Variants in STK32B observed in about 807,000 individuals in gnomAD.
The protein encoded by STK32B is serine/threonine kinase 32B, also known as serine/threonine-protein kinase 32B.
Under a neutral mutation model 52.6 loss-of-function variants are expected in STK32B, and 43 were observed. The ratio of observed to expected loss-of-function variants is 0.82; its 90% confidence interval spans 0.64 to 1.05. The LOEUF (loss-of-function observed/expected upper bound fraction) is 1.05, where lower values mean the gene tolerates loss of function less well. Ranked by LOEUF, STK32B falls within the 50% of genes least tolerant of loss-of-function variation. STK32B has a pLI of 0.00. For missense variants in STK32B, 621 were observed against 534.6 expected, an observed-to-expected ratio of 1.16 and a Z score of -1.59; for synonymous variants, 238 against 204.3, an observed-to-expected ratio of 1.17 and a Z score of -1.41.
At chr4:5,246,830 G>C (rs1725488095) in intron 3 of STK32B, among the ~76,000 whole-genome samples, 1 of 152,168 alleles carries the variant, frequency 6.6e-6, no homozygotes, top group East Asian at 1.9e-4. Flanking sequence ...GAGTTTACTG[G>C]AGGTCCACTT....
chr4:5,262,352 C>T (rs115130905), intron 3 of STK32B, among the ~76,000 whole-genome samples: 3,262 of 151,860 alleles, frequency 0.021, 119 homozygotes, highest in African/African-American at 0.075. Flanking sequence ...GTGTGCCGGG[C>T]GCAGTGGCTC....
intron 4 of STK32B, among the ~76,000 whole-genome samples, chr4:5,389,102 C>T (rs188968421): frequency 3.8e-4 from 58 of 152,320 alleles, no homozygotes; most frequent in African/African-American, 1.3e-3. Context: ...TGGGGTTTTA[C>T]AATAGATATA....
intron 4 of STK32B, among the ~76,000 whole-genome samples, chr4:5,370,982 A>G (rs201934302): frequency 2.7e-5 from 3 of 109,352 alleles, no homozygotes; most frequent in African/African-American, 1.4e-4. Flanking sequence ...AAATATATAT[A>G]TATGTGTGTG....
At chr4:5,210,612 G>C (rs1241736384) in intron 3 of STK32B, among the ~76,000 whole-genome samples, 2 of 152,076 alleles carry the variant, frequency 1.3e-5, no homozygotes. Flanking sequence ...ATTCCATGAA[G>C]GCAGGGACCA....
intron 4 of STK32B, among the ~76,000 whole-genome samples, chr4:5,334,330 A>G (rs1732481946): frequency 6.6e-6 from 1 of 152,024 alleles, no homozygotes; most frequent in South Asian, 2.1e-4. Context: ...TTGATTTTGT[A>G]TCCTGAGACT....
rs191239693 is a variant in STK32B, at chr4:5,161,741, C to T, written c.109-6558C>T. The stretch of plus-strand genomic sequence containing the variant: ...ATTGGGTAGTAAAAAGCTTCATCCG[C>T]CAAACATAGTCTTCTTTCAGCGAAT... On this transcript the variant is annotated intron_variant, in intron 2 of 11. Coordinates refer to ENST00000282908, the MANE Select transcript of STK32B (RefSeq NM_018401.3). 6.6e-4 allele frequency among the ~76,000 whole-genome samples: 100 copies of T among 152,254 alleles called. 2 individuals are homozygous for T. Among genetic ancestry groups the T allele is most frequent in the East Asian group, 3.9e-4 (2 of 5,184 alleles).
In STK32B at chr4:5,412,899, A is replaced by C. The variant is rs112804132; in HGVS notation, c.473-3946A>C. 3.0e-3 allele frequency among the ~76,000 whole-genome samples: 453 copies of C among 152,234 alleles called. 1 individual carries two copies. Among genetic ancestry groups the C allele is most frequent in the Non-Finnish European group, 4.9e-3 (330 of 68,018 alleles). ...ATCATATCAAAACCCTCTCACTTGGAGTAAAGCCACCATCCTGTCTCAGCC... is the reference window on the plus strand; with the variant it reads ...ATCATATCAAAACCCTCTCACTTGGCGTAAAGCCACCATCCTGTCTCAGCC... On this transcript the variant is annotated intron_variant, in intron 5 of 11. Transcript: ENST00000282908.
rs78889406 is a variant in STK32B at position 5,303,581 on chromosome 4, T to C, written c.261-27639T>C. On this transcript the variant is annotated intron_variant, in intron 3 of 11. Transcript: ENST00000282908. Reference sequence around the variant, plus strand: ...TGAGTTCCTTGTAGATTCTGGATATTAGTCCTTTCTCAGATGTATACATTG... The same window carrying C: ...TGAGTTCCTTGTAGATTCTGGATATCAGTCCTTTCTCAGATGTATACATTG... Among the ~76,000 whole-genome samples, 3 of 152,276 alleles carry C rather than the reference T, an allele frequency of 2.0e-5. No homozygotes were observed. In the East Asian group the frequency reaches 5.8e-4, roughly 29 times the overall value.
intron 3 of STK32B, among the ~76,000 whole-genome samples, chr4:5,181,306 A>T (rs1172022535): frequency 6.7e-6 from 1 of 148,794 alleles, no homozygotes; most frequent in Admixed American, 6.9e-5. Flanking sequence ...GTCTTATAAA[A>T]AGAAGAGAAA....
intron 6 of STK32B, among the ~76,000 whole-genome samples, chr4:5,441,410 T>G (rs1436491987): frequency 2.0e-5 from 3 of 151,050 alleles, no homozygotes; most frequent in Admixed American, 1.3e-4. Flanking sequence ...TTTGTAGTAT[T>G]CTCTGATGGT....
chr4:5,116,361 C>G (rs952599710), intron 1 of STK32B, among the ~76,000 whole-genome samples: 1 of 152,096 alleles, frequency 6.6e-6, no homozygotes, highest in East Asian at 1.9e-4. Context: ...TGTCGTTGTA[C>G]ATTTTATTTT....
chr4:5,467,635 A>AC lies in STK32B; in HGVS notation c.1042-365dup, dbSNP rs574113061. Reference sequence around the variant, plus strand: ...CAGAGGACACAATTCAACACACAACACCCCCCTCCCCTATGCAAGTGGAGC... The same window carrying AC: ...CAGAGGACACAATTCAACACACAACACCCCCCCTCCCCTATGCAAGTGGAGC... On this transcript the variant is annotated intron_variant, in intron 10 of 11. Coordinates refer to ENST00000282908, the MANE Select transcript of STK32B (RefSeq NM_018401.3). The surrounding 1 kb of genome is among the most constrained non-coding windows in gnomAD (Gnocchi z 5.8). Among the ~76,000 whole-genome samples, 21 of 148,552 alleles carry AC rather than the reference A, an allele frequency of 1.4e-4. 1 individual carries two copies. The East Asian group carries it at 3.2e-3, about 22-fold the overall frequency.
At chr4:5,265,826 T>C (rs1727021916) in intron 3 of STK32B, among the ~76,000 whole-genome samples, 1 of 152,210 alleles carries the variant, frequency 6.6e-6, no homozygotes, top group South Asian at 2.1e-4. Context: ...ATATTCCAAG[T>C]GTTTTCCTTG....
intron 3 of STK32B, among the ~76,000 whole-genome samples, chr4:5,180,428 C>T (rs1720265323): frequency 6.6e-6 from 1 of 152,202 alleles, no homozygotes; most frequent in Non-Finnish European, 1.5e-5. Flanking sequence ...TGAGTCATGT[C>T]ACTAGTAAGT....
chr4:5,218,220 T>G (rs1174403154), intron 3 of STK32B, among the ~76,000 whole-genome samples: 1 of 152,208 alleles, frequency 6.6e-6, no homozygotes, highest in Non-Finnish European at 1.5e-5. Flanking sequence ...ATTCCATTTC[T>G]TGATGTGAGT....
chr4:5,466,366 C>T lies in STK32B; in HGVS notation c.910-337C>T, dbSNP rs545547444. On this transcript the variant is annotated intron_variant, in intron 9 of 11. Coordinates refer to ENST00000282908, the MANE Select transcript of STK32B (RefSeq NM_018401.3). The stretch of plus-strand genomic sequence containing the variant: ...TATAAAAAAGATAGTAATGACAGGA[C>T]AATGTGCATAGGATAAAATAATAAG... Among the ~76,000 whole-genome samples, 33 of 152,230 alleles carry T rather than the reference C, an allele frequency of 2.2e-4. No individual in the cohort carries two copies. The South Asian group carries it at 6.8e-3, about 32-fold the overall frequency.
intron 3 of STK32B, among the ~76,000 whole-genome samples, chr4:5,192,899 G>T (rs888483650): frequency 1.3e-5 from 2 of 152,116 alleles, no homozygotes; most frequent in South Asian, 2.1e-4. Context: ...GGCACCCTCC[G>T]TTCCACTCTC....
chr4:5,246,234 T>A (rs576293704), intron 3 of STK32B, among the ~76,000 whole-genome samples: 1 of 152,238 alleles, frequency 6.6e-6, no homozygotes, highest in Non-Finnish European at 1.5e-5. Context: ...TTTGGTCTTT[T>A]CACATAGTCC....
At chr4:5,320,069 G>A (rs1323855975) in intron 3 of STK32B, among the ~76,000 whole-genome samples, 1 of 152,170 alleles carries the variant, frequency 6.6e-6, no homozygotes, top group Non-Finnish European at 1.5e-5. Flanking sequence ...AACAGACACT[G>A]ATGAGCCAAT....
Sources: gnomAD v4.1 joint callset for allele counts (sites outside exome capture counted in the v4.1 genomes callset) on GRCh38, gnomAD v4.1.1 for gene constraint, Gnocchi (gnomAD v3.1) non-coding constraint, MANE v1.5 for transcripts, NCBI Gene and HGNC (gene_info 2026-07-23, HGNC 2026-07-21) for gene names.